Variants in FMR1NB observed in about 807,000 individuals in gnomAD.
FMR1NB encodes the protein FMR1 neighbor protein.
Under a neutral mutation model 16.8 loss-of-function variants are expected in FMR1NB, and 10 were observed. That is an observed-to-expected ratio of 0.60 (90% confidence interval 0.37 to 1.01). FMR1NB has a LOEUF of 1.01. FMR1NB is among the 50% of genes least tolerant of loss of function. The pLI, the probability that FMR1NB is intolerant of heterozygous loss-of-function variation, is 0.01. For missense variants in FMR1NB, 205 were observed against 204.8 expected, an observed-to-expected ratio of 1.00 and a Z score of 0.00; for synonymous variants, 83 against 79.1, an observed-to-expected ratio of 1.05 and a Z score of -0.26.
At chrX:148,002,053 A>G (rs1375774204) in intron 1 of FMR1NB, among the ~76,000 whole-genome samples, 2 of 111,655 alleles carry the variant, frequency 1.8e-5, no homozygotes, top group East Asian at 5.6e-4. Context: ...GTATTAGAGT[A>G]TAGAATGCCT....
intron 4 of FMR1NB, among the ~76,000 whole-genome samples, chrX:148,022,724 T>G (rs1352765193): frequency 2.7e-5 from 3 of 111,515 alleles, no homozygotes; most frequent in Non-Finnish European, 5.6e-5. Flanking sequence ...CAGTTAGTGA[T>G]GAGGCTGAAC....
At chrX:148,023,632 T>C (rs1345627394) in intron 4 of FMR1NB, among the ~76,000 whole-genome samples, 1 of 111,719 alleles carries the variant, frequency 9.0e-6, no homozygotes, top group Non-Finnish European at 1.9e-5. Context: ...CTTCATAATA[T>C]TGTGTGCAAA....
At chrX:148,009,044 A>G (rs1291603500) in intron 4 of FMR1NB, among the ~76,000 whole-genome samples, 1 of 109,994 alleles carries the variant, frequency 9.1e-6, no homozygotes, top group Non-Finnish European at 1.9e-5. Flanking sequence ...TTAGCCGGGC[A>G]TGGTGGTGCA....
intron 1 of FMR1NB, among the ~76,000 whole-genome samples, chrX:148,002,659 T>C (rs782224265): frequency 1.8e-5 from 2 of 112,134 alleles, no homozygotes; most frequent in Non-Finnish European, 3.8e-5. Flanking sequence ...TTATTAAAGA[T>C]AGTTTTGGGA....
At chrX:148,011,639 C>T (rs141307541) in intron 4 of FMR1NB, among the ~76,000 whole-genome samples, 128 of 111,280 alleles carry the variant, frequency 1.2e-3, no homozygotes, top group African/African-American at 3.9e-3. Context: ...GGAGAGGGCA[C>T]GTCAGGCTTC....
intron 4 of FMR1NB, among the ~76,000 whole-genome samples, chrX:148,018,861 A>G (rs1199737737): frequency 5.4e-5 from 6 of 111,939 alleles, no homozygotes; most frequent in African/African-American, 2.0e-4. Context: ...GCACAGCAAA[A>G]GAAACTACCA....
At chrX:147,983,544 T>A (rs1557186842) in intron 1 of FMR1NB, among the ~76,000 whole-genome samples, 1 of 112,295 alleles carries the variant, frequency 8.9e-6, no homozygotes, top group African/African-American at 3.2e-5. Context: ...TGGAGAAATG[T>A]CTTTTCAATT....
Position 147,981,339 on chromosome X carries a change from G to A in FMR1NB, c.-64G>A. The A allele has an allele frequency of 8.7e-7, 1 of 1,153,865 alleles. No homozygotes were observed. ...GCCACGGACTGCCCCGGAAGCTTCT[G>A]GGCCACGGACTGCCGGACCGTTGGG... On this transcript the variant is annotated 5_prime_UTR_variant, in exon 1 of 6. Transcript: ENST00000370467.
chrX:148,019,653 T>C (rs782732570), intron 4 of FMR1NB, among the ~76,000 whole-genome samples: 2 of 112,414 alleles, frequency 1.8e-5, no homozygotes, highest in Non-Finnish European at 3.8e-5. Context: ...TCTTGCAGAC[T>C]TGTAGAGGTA....
At chrX:148,005,284 C>T (rs926774940) in intron 2 of FMR1NB, among the ~76,000 whole-genome samples, 1 of 111,650 alleles carries the variant, frequency 9.0e-6, no homozygotes, top group African/African-American at 3.3e-5. Context: ...GTCTCTTCTA[C>T]GATTTAACCC....
intron 1 of FMR1NB, among the ~76,000 whole-genome samples, chrX:147,998,341 A>G (rs1284967247): frequency 1.8e-5 from 2 of 111,483 alleles, no homozygotes; most frequent in Admixed American, 9.5e-5. Context: ...ATTCTCAGCA[A>G]ACTAACACAG....
chrX:147,985,450 G>A (rs1017029951), intron 1 of FMR1NB, among the ~76,000 whole-genome samples: 1 of 110,874 alleles, frequency 9.0e-6, no homozygotes, highest in African/African-American at 3.3e-5. Context: ...GTATTTGTCT[G>A]AATGCTCTCC....
chrX:148,005,207 A>G (rs992866974), intron 2 of FMR1NB, among the ~76,000 whole-genome samples: 3 of 112,321 alleles, frequency 2.7e-5, no homozygotes, highest in African/African-American at 9.7e-5. Context: ...TTTAATATCT[A>G]GCATAAAGTC....
intron 4 of FMR1NB, among the ~76,000 whole-genome samples, chrX:148,023,481 CAGACTTA>C (rs1228792670): frequency 1.8e-4 from 20 of 111,153 alleles, no homozygotes; most frequent in African/African-American, 4.9e-4. Context: ...ATTTCAAAGG[CAGACTTA>C]TCTTTCTCTG....
intron 4 of FMR1NB, among the ~76,000 whole-genome samples, chrX:148,015,901 G>A (rs1175336490): frequency 1.8e-5 from 2 of 111,640 alleles, no homozygotes; most frequent in African/African-American, 3.3e-5. Context: ...CTGACAGTAG[G>A]GTATTGAAGT....
chrX:148,009,863 T>C (rs946605785), intron 4 of FMR1NB, among the ~76,000 whole-genome samples: 6 of 112,170 alleles, frequency 5.3e-5, no homozygotes, highest in Non-Finnish European at 1.1e-4. Context: ...ATCATCGAAG[T>C]GATTGGCAGT....
At chrX:147,986,013 A>G (rs1403742226) in intron 1 of FMR1NB, among the ~76,000 whole-genome samples, 1 of 112,441 alleles carries the variant, frequency 8.9e-6, no homozygotes, top group African/African-American at 3.2e-5. Context: ...TTGCCATTCT[A>G]ACTGGCTTGA....
At chrX:147,994,805 G>A (rs2044533881) in intron 1 of FMR1NB, among the ~76,000 whole-genome samples, 2 of 112,002 alleles carry the variant, frequency 1.8e-5, no homozygotes, top group Non-Finnish European at 3.8e-5. Context: ...ATTCTCAGGA[G>A]GTAATATGTG....
intron 4 of FMR1NB, among the ~76,000 whole-genome samples, chrX:148,017,902 G>T (rs1237872529): frequency 9.2e-6 from 1 of 108,920 alleles, no homozygotes; most frequent in Non-Finnish European, 1.9e-5. Context: ...GTATTCCATG[G>T]TGTACATGTG....
Sources: gnomAD v4.1 joint callset for allele counts (sites outside exome capture counted in the v4.1 genomes callset) on GRCh38, gnomAD v4.1.1 for gene constraint, MANE v1.5 for transcripts, NCBI Gene and HGNC (gene_info 2026-07-23, HGNC 2026-07-21) for gene names.